Variants in EPB41L1 observed in about 807,000 individuals in gnomAD.
The protein encoded by EPB41L1 is band 4.1-like protein 1.
Under a neutral mutation model 97.8 loss-of-function variants are expected in EPB41L1, and 29 were observed. The ratio of observed to expected loss-of-function variants is 0.30; its 90% CI spans 0.22 to 0.40. The LOEUF is 0.40. Ranked by LOEUF, EPB41L1 falls within the 10% of genes least tolerant of loss-of-function variation. The pLI, the probability that EPB41L1 is intolerant of heterozygous loss-of-function variation, is 1.00. For missense variants in EPB41L1, 812 were observed against 1,162.3 expected (o/e 0.70, Z 4.38); for synonymous variants, 383 against 459.2 (o/e 0.83, Z 2.12).
chr20:36,220,798 C>T (rs940354007), intron 19 of EPB41L1, among the ~76,000 whole-genome samples: 2 of 152,066 alleles, frequency 1.3e-5, no homozygotes, highest in Admixed American at 6.5e-5. Flanking sequence ...GGGAGGCAGG[C>T]GGGCTGATGC....
chr20:36,106,558 A>T (rs941037197), intron 1 of EPB41L1, among the ~76,000 whole-genome samples: 2 of 152,198 alleles, frequency 1.3e-5, no homozygotes, highest in Admixed American at 1.3e-4. Context: ...CTCAGATCCC[A>T]TTGTCACCAT....
intron 1 of EPB41L1, among the ~76,000 whole-genome samples, chr20:36,160,353 G>A (rs977664001): frequency 3.9e-5 from 6 of 152,206 alleles, no homozygotes; most frequent in Admixed American, 6.5e-5. Context: ...GGAGGCTGAG[G>A]CGGGTAGATC....
intron 2 of EPB41L1, among the ~76,000 whole-genome samples, chr20:36,119,636 G>A (rs890898131): frequency 6.7e-5 from 10 of 149,392 alleles, no homozygotes; most frequent in Non-Finnish European, 6.0e-5. Flanking sequence ...GAAGGGAAGC[G>A]GAGGGGAGAG....
At chr20:36,224,238 A>G (rs1259275091) in intron 21 of EPB41L1, among the ~76,000 whole-genome samples, 1 of 152,370 alleles carries the variant, frequency 6.6e-6, no homozygotes, top group East Asian at 1.9e-4. Context: ...GGTGAAATAC[A>G]TGCAGGATTT....
chr20:36,165,559 C>T (rs1483668497), intron 1 of EPB41L1, among the ~76,000 whole-genome samples: 2 of 152,076 alleles, frequency 1.3e-5, no homozygotes, highest in African/African-American at 2.4e-5. Flanking sequence ...ATTAGCTGGG[C>T]ATGGTGGCAT....
chr20:36,123,476 T>C (rs2058837442), intron 2 of EPB41L1, among the ~76,000 whole-genome samples: 1 of 152,268 alleles, frequency 6.6e-6, no homozygotes, highest in African/African-American at 2.4e-5. Flanking sequence ...AATCTCGCTC[T>C]GTTGCCTAGG....
At chr20:36,126,363 ATT>A (rs1208994726) in intron 2 of EPB41L1, among the ~76,000 whole-genome samples, 34 of 135,186 alleles carry the variant, frequency 2.5e-4, no homozygotes, top group African/African-American at 2.2e-4. Context: ...AGTTAGTGGA[ATT>A]TTTTTTTTTT....
intron 2 of EPB41L1, 37 bp downstream of exon 2, chr20:36,173,991 C>A: frequency 6.3e-7 from 1 of 1,587,882 alleles, no homozygotes. Flanking sequence ...CTTTCCTGCC[C>A]AGACCGTCCT....
chr20:36,128,596 C>T (rs1209354448), intron 2 of EPB41L1, among the ~76,000 whole-genome samples: 1 of 152,134 alleles, frequency 6.6e-6, no homozygotes, highest in Non-Finnish European at 1.5e-5. Flanking sequence ...CTGCCTTGGC[C>T]CCGTGACACT....
intron 1 of EPB41L1, among the ~76,000 whole-genome samples, chr20:36,095,883 GGGCATGGT>G (rs1351344793): frequency 6.6e-6 from 1 of 152,088 alleles, no homozygotes; most frequent in Non-Finnish European, 1.5e-5. Flanking sequence ...AAATTTAGCC[GGGCATGGT>G]GGCACGCGCC....
intron 2 of EPB41L1, among the ~76,000 whole-genome samples, chr20:36,175,212 C>T (rs1354340774): frequency 1.3e-5 from 2 of 152,188 alleles, no homozygotes; most frequent in Admixed American, 1.3e-4. Flanking sequence ...CAGATGGATG[C>T]TGTGATGAGT....
chr20:36,181,321 C>T (rs1375670129), intron 5 of EPB41L1, among the ~76,000 whole-genome samples: 1 of 152,160 alleles, frequency 6.6e-6, no homozygotes, highest in Non-Finnish European at 1.5e-5. Context: ...TATCTACCTG[C>T]CTTCATCCCC....
At chr20:36,101,470 C>T (rs983168870) in intron 1 of EPB41L1, among the ~76,000 whole-genome samples, 1 of 152,098 alleles carries the variant, frequency 6.6e-6, no homozygotes, top group Non-Finnish European at 1.5e-5. Flanking sequence ...AGCCACCTGC[C>T]TGCCTGAGCA....
In EPB41L1 at chr20:36,209,429, C is replaced by T; in HGVS notation, c.1669-59C>T. 6.4e-7 allele frequency: 1 copy of T among 1,567,114 alleles called. No individual in the cohort carries two copies. The highest frequency in any genetic ancestry group is 1.2e-5 in the South Asian group (1 of 85,624). ...CTCCTGACATTCACCATCTTGATTT[C>T]TCTTTCTCTCTCTCTCCCCACCCCA... On this transcript the variant is annotated intron_variant, in intron 14 of 21. Coordinates refer to ENST00000338074, the MANE Select transcript of EPB41L1 (RefSeq NM_012156.2). This position sits in a 1 kb window ranked among gnomAD's most constrained non-coding sequence, Gnocchi z 4.2.
chr20:36,124,705 A>G (rs2058892254), intron 2 of EPB41L1, among the ~76,000 whole-genome samples: 2 of 152,018 alleles, frequency 1.3e-5, no homozygotes. Context: ...TTTTCTTTTA[A>G]TGTCATGTTC....
At chr20:36,153,650 C>T (rs1424565561), upstream of EPB41L1, among the ~76,000 whole-genome samples, 1 of 152,144 alleles carries the variant, frequency 6.6e-6, no homozygotes, top group African/African-American at 2.4e-5. Flanking sequence ...GAACTAGGGA[C>T]CCTAGAGATA....
rs2146720720 is a variant in EPB41L1 at position 36,206,356 on chromosome 20, C to T, written c.1669-3132C>T. On this transcript the variant is annotated intron_variant, in intron 14 of 21. Transcript: ENST00000338074. The surrounding 1 kb of genome is among the most constrained non-coding windows in gnomAD (Gnocchi z 5.5). ...GACCAGGCCAGCAGAGGTGGACGTCCTCTCTCCAGCCTCCGACAAGGGAGG... is the reference window on the plus strand; with the variant it reads ...GACCAGGCCAGCAGAGGTGGACGTCTTCTCTCCAGCCTCCGACAAGGGAGG... The T allele has an allele frequency of 7.8e-7, 1 of 1,289,950 alleles. No individual in the cohort carries two copies. Among genetic ancestry groups the T allele is most frequent in the Non-Finnish European group, 1.0e-6 (1 of 988,908 alleles). 79.9% of individuals were successfully genotyped at this position (1,289,950 alleles called of 1,614,324 possible).
chr20:36,136,372 G>T (rs1007052852), intron 2 of EPB41L1, among the ~76,000 whole-genome samples: 4 of 147,714 alleles, frequency 2.7e-5, no homozygotes, highest in African/African-American at 5.0e-5. Flanking sequence ...GAGAAACAGG[G>T]TTTCACCGTG....
intron 11 of EPB41L1, among the ~76,000 whole-genome samples, chr20:36,193,128 G>A (rs2062036297): frequency 6.6e-6 from 1 of 152,138 alleles, no homozygotes; most frequent in Non-Finnish European, 1.5e-5. Flanking sequence ...GCCAAATGAA[G>A]CCCAGATTCT....
Sources: allele counts gnomAD v4.1 joint callset (sites outside exome capture counted in the v4.1 genomes callset), GRCh38; gene constraint gnomAD v4.1.1; non-coding constraint Gnocchi (gnomAD v3.1); transcripts MANE v1.5; gene names NCBI Gene and HGNC (gene_info 2026-07-23, HGNC 2026-07-21).